The following AKAP13 variants were observed in gnomAD, a reference collection of about 807,000 sequenced individuals.
AKAP13 encodes the protein A-kinase anchor protein 13.
In AKAP13, 80 loss-of-function variants were observed where a neutral mutation model predicts 264.5. That is an observed-to-expected ratio of 0.30 (90% CI 0.25 to 0.36). The LOEUF (loss-of-function observed/expected upper bound fraction) is 0.36, where lower values mean the gene tolerates loss of function less well. Among genes scored for constraint, AKAP13 ranks in the 10% least tolerant of loss-of-function variants. The pLI is 1.00. For synonymous variants in AKAP13, 1,380 were observed against 1,250.2 expected, an observed-to-expected ratio of 1.10 and a Z score of -2.19; for missense variants, 3,712 against 3,435.2, an observed-to-expected ratio of 1.08 and a Z score of -2.01.
chr15:85,515,746 A>G (rs1309676954), intron 2 of AKAP13, among the ~76,000 whole-genome samples: 6 of 138,424 alleles, frequency 4.3e-5, no homozygotes, highest in Non-Finnish European at 1.5e-5. Context: ...GATTGAAGTT[A>G]TGCATTTTTG....
At chr15:85,730,731 C>A in intron 30 of AKAP13, 24 bp downstream of exon 30, 1 of 1,587,532 alleles carries the variant, frequency 6.3e-7, no homozygotes, top group East Asian at 2.2e-5. Flanking sequence ...AGCATTGCCC[C>A]CTCTTCATCT....
Position 85,580,483 on chromosome 15 carries a change from C to G in AKAP13, c.2415C>G (p.Val805=), listed in dbSNP as rs957121149. 3 of 1,614,056 alleles carry G rather than the reference C, an allele frequency of 1.9e-6. No homozygotes were observed. The African/African-American group carries it at 4.0e-5, about 22-fold the overall frequency. ...SVTKDDALSF[V]PSQKEKGTAT... ...CCAAGGATGACGCACTTTCTTTTGT[C>G]CCCTCCCAGAAAGAAAAGGGAACAG... The change falls in exon 7 of 37, where the codon GTC becomes GTG. Residue 805 remains valine, a synonymous_variant. Coordinates refer to ENST00000394518, the MANE Select transcript of AKAP13 (RefSeq NM_007200.5).
At chr15:85,631,286 G>A (rs2151447633) in intron 8 of AKAP13, among the ~76,000 whole-genome samples, 1 of 152,142 alleles carries the variant, frequency 6.6e-6, no homozygotes, top group East Asian at 1.9e-4. Context: ...GGGGATGGGG[G>A]TGAGGCATGA....
intron 17 of AKAP13, chr15:85,702,884 C>T (rs758763938): frequency 6.6e-6 from 1 of 152,110 alleles, no homozygotes; most frequent in Admixed American, 6.6e-5. Context: ...ATAATTTGTT[C>T]TTTGAAAAGC....
intron 1 of AKAP13, among the ~76,000 whole-genome samples, chr15:85,417,593 T>C (rs1464820398): frequency 1.3e-5 from 2 of 152,228 alleles, no homozygotes; most frequent in African/African-American, 4.8e-5. Flanking sequence ...TGTTAGCCCA[T>C]TGATAAACTT....
At chr15:85,389,754 A>G (rs1338537468) in intron 1 of AKAP13, 1 of 152,268 alleles carries the variant, frequency 6.6e-6, no homozygotes, top group Non-Finnish European at 1.5e-5. Flanking sequence ...AATCAAAGAA[A>G]TGAATTGCTA....
Position 85,440,756 on chromosome 15 carries a change from T to C in AKAP13, c.-11-44954T>C, listed in dbSNP as rs533857208. Among the ~76,000 whole-genome samples, 57 of 152,348 alleles carry C rather than the reference T, an allele frequency of 3.7e-4. 1 individual carries two copies. In the South Asian group the frequency reaches 0.011, roughly 29 times the overall value. On this transcript the variant is annotated intron_variant, in intron 1 of 36. Coordinates refer to ENST00000394518, the MANE Select transcript of AKAP13 (RefSeq NM_007200.5). The stretch of plus-strand genomic sequence containing the variant: ...CAGAGCCATCCAGTTACTCTTGTCA[T>C]ATATGCAGTTTGAAGAAGTTTACTT...
intron 5 of AKAP13, among the ~76,000 whole-genome samples, chr15:85,556,746 A>G (rs929387934): frequency 2.0e-5 from 3 of 152,146 alleles, no homozygotes; most frequent in East Asian, 1.9e-4. Flanking sequence ...TGCTGTACAC[A>G]TTGCCTGATG....
rs1323106611 is a variant in AKAP13, at chr15:85,582,098, C to T, written c.4030C>T (p.Pro1344Ser). 6.3e-7 allele frequency: 1 copy of T among 1,591,838 alleles called. No individual in the cohort carries two copies. Among genetic ancestry groups the T allele is most frequent in the East Asian group, 2.2e-5 (1 of 44,614 alleles). The change falls in exon 7 of 37, where the codon CCA becomes TCA. Residue 1344 changes from proline (P) to serine (S), a missense_variant. Coordinates refer to ENST00000394518, the MANE Select transcript of AKAP13 (RefSeq NM_007200.5). The part of the protein sequence containing the change: ...KIILPVQGPE[P>S]AAEMPDVKAE... The stretch of plus-strand genomic sequence containing the variant: ...CATTTTACCTGTCCAGGGGCCTGAG[C>T]CAGCAGCAGGTAAGCAAAACATAAT...
chr15:85,446,710 C>CTTTTTTTTTTT (rs67306030), intron 1 of AKAP13, among the ~76,000 whole-genome samples: 2 of 124,398 alleles, frequency 1.6e-5, no homozygotes, highest in East Asian at 2.3e-4. Flanking sequence ...TTTTCTTTTT[C>CTTTTTTTTTTT]TTTTTTTTTT....
intron 3 of AKAP13, among the ~76,000 whole-genome samples, chr15:85,531,856 A>G (rs1327526233): frequency 6.6e-6 from 1 of 152,196 alleles, no homozygotes; most frequent in East Asian, 1.9e-4. Context: ...CTAGCCCATC[A>G]TTCCAAGTGT....
chr15:85,432,635 A>G (rs533916205), intron 1 of AKAP13, among the ~76,000 whole-genome samples: 2 of 152,348 alleles, frequency 1.3e-5, no homozygotes, highest in East Asian at 1.9e-4. Flanking sequence ...AGGCCTCATT[A>G]TACCACTCAA....
In AKAP13 at chr15:85,746,983, T is replaced by A. The variant is rs1445615469; in HGVS notation, c.*2306T>A. Reference sequence around the variant, plus strand: ...AGAGCTTGACATCAATGTTAGAGGGTCTCTTACTCCCCGCCCAGCTGTGAT... The same window carrying A: ...AGAGCTTGACATCAATGTTAGAGGGACTCTTACTCCCCGCCCAGCTGTGAT... On this transcript the variant is annotated 3_prime_UTR_variant, in exon 37 of 37. Coordinates refer to ENST00000394518, the MANE Select transcript of AKAP13 (RefSeq NM_007200.5). 2.0e-5 allele frequency: 3 copies of A among 152,172 alleles called. No individual in the cohort carries two copies. The highest frequency in any genetic ancestry group is 4.4e-5 in the Non-Finnish European group (3 of 68,024). The allele number at this position is 152,172 out of a possible 1,614,324, so 9.4% of individuals were successfully genotyped here. A position where few individuals can be genotyped will look rare whatever the true frequency, so the allele number is the denominator to read the frequency against.
At chr15:85,720,226 TGA>T (rs35558297) in intron 23 of AKAP13, among the ~76,000 whole-genome samples, 68,505 of 151,052 alleles carry the variant, frequency 0.45, 17,191 homozygotes, top group Middle Eastern at 0.62. Flanking sequence ...GGCGAGAGAG[TGA>T]GAGACCCCAG....
At chr15:85,435,002 T>C (rs1339999863) in intron 1 of AKAP13, among the ~76,000 whole-genome samples, 1 of 151,010 alleles carries the variant, frequency 6.6e-6, no homozygotes, top group Non-Finnish European at 1.5e-5. Context: ...AGAAGAAGGC[T>C]TCAGACAATC....
At chr15:85,405,475 A>G (rs1189144267) in intron 1 of AKAP13, among the ~76,000 whole-genome samples, 2 of 152,214 alleles carry the variant, frequency 1.3e-5, no homozygotes, top group African/African-American at 4.8e-5. Flanking sequence ...CAAAAATTGG[A>G]GACAAAATTC....
At chr15:85,418,061 T>C (rs886785711) in intron 1 of AKAP13, among the ~76,000 whole-genome samples, 27 of 142,336 alleles carry the variant, frequency 1.9e-4, no homozygotes, top group Non-Finnish European at 3.6e-4. Context: ...TTATTATTAT[T>C]ATTATCATTA....
chr15:85,585,656 G>A lies in AKAP13; in HGVS notation c.4040-46G>A, dbSNP rs998546254. The A allele has an allele frequency of 5.6e-6, 9 of 1,611,806 alleles. No homozygotes were observed. The African/African-American group carries it at 1.1e-4, about 19-fold the overall frequency. ...ATGTTGTATGAATAGTAAGGCACAGGAATCAGTTTTTAAAAATGTACTCTG... is the reference window on the plus strand; with the variant it reads ...ATGTTGTATGAATAGTAAGGCACAGAAATCAGTTTTTAAAAATGTACTCTG... On this transcript the variant is annotated intron_variant, in intron 7 of 36. Coordinates refer to ENST00000394518, the MANE Select transcript of AKAP13 (RefSeq NM_007200.5).
chr15:85,709,381 T>A (rs1182782750), intron 18 of AKAP13, among the ~76,000 whole-genome samples: 2 of 152,208 alleles, frequency 1.3e-5, no homozygotes, highest in Non-Finnish European at 2.9e-5. Flanking sequence ...GTTGGCTCCA[T>A]CAGTGGCGCC....
Sources: gnomAD v4.1 joint callset for allele counts (sites outside exome capture counted in the v4.1 genomes callset) on GRCh38, gnomAD v4.1.1 for gene constraint, MANE v1.5 for transcripts, NCBI Gene and HGNC (gene_info 2026-07-23, HGNC 2026-07-21) for gene names.